DPH6: variants seen among roughly 807,000 people sequenced by gnomAD.
DPH6 encodes diphthine--ammonia ligase.
A neutral mutation model predicts 38.2 loss-of-function variants in DPH6; 33 were observed. The ratio of observed to expected loss-of-function variants is 0.86; its 90% CI spans 0.65 to 1.15. DPH6 has a LOEUF of 1.15. Among genes scored for constraint, DPH6 ranks in the 50% most tolerant of loss-of-function variants. DPH6 has a pLI of 0.00. For missense variants in DPH6, 325 were observed against 320.0 expected, an observed-to-expected ratio of 1.02 and a Z score of -0.12; for synonymous variants, 108 against 103.0, an observed-to-expected ratio of 1.05 and a Z score of -0.30.
chr15:35,324,445 A>G (rs1339943980), intron 3 of DPH6, among the ~76,000 whole-genome samples: 1 of 152,198 alleles, frequency 6.6e-6, no homozygotes, highest in Non-Finnish European at 1.5e-5. Context: ...AGTTACTTAG[A>G]TACAAAACCA....
intron 3 of DPH6, among the ~76,000 whole-genome samples, chr15:35,485,175 A>G (rs1388893397): frequency 6.6e-6 from 1 of 152,190 alleles, no homozygotes; most frequent in Non-Finnish European, 1.5e-5. Flanking sequence ...ATTGTCCAGG[A>G]TCACACAGCT....
At chr15:35,483,374 G>C (rs1183793828) in intron 3 of DPH6, among the ~76,000 whole-genome samples, 2 of 151,464 alleles carry the variant, frequency 1.3e-5, no homozygotes, top group Non-Finnish European at 2.9e-5. Context: ...TGAGGCAGGA[G>C]AATTGCTTAA....
intron 3 of DPH6, among the ~76,000 whole-genome samples, chr15:35,229,426 T>C (rs557961826): frequency 2.9e-4 from 44 of 152,136 alleles, no homozygotes; most frequent in Non-Finnish European, 3.8e-4. Flanking sequence ...ATTTAGCTGA[T>C]AGAATTCCAA....
the DPH6 span, among the ~76,000 whole-genome samples, chr15:35,165,073 ATG>A: frequency 6.6e-6 from 1 of 151,844 alleles, no homozygotes; most frequent in Non-Finnish European, 1.5e-5. Flanking sequence ...AAAAGATTGG[ATG>A]TTAAGAATTG....
At chr15:35,171,414 C>A in the DPH6 span, among the ~76,000 whole-genome samples, 1 of 152,116 alleles carries the variant, frequency 6.6e-6, no homozygotes, top group Non-Finnish European at 1.5e-5. Context: ...CATATACACA[C>A]TAAGTACATA....
chr15:35,398,426 A>G lies in DPH6; in HGVS notation c.567+12409T>C, dbSNP rs542215771. 1.3e-3 allele frequency among the ~76,000 whole-genome samples: 193 copies of G among 152,262 alleles called. 1 individual carries two copies. The highest frequency in any genetic ancestry group is 4.5e-3 in the African/African-American group (189 of 41,562). On this transcript the variant is annotated intron_variant, in intron 6 of 8. Transcript: ENST00000256538. ...CTCACCAATGGCCAATGACATAATC[A>G]ATCACACCTACATAATGAAGCCTCC...
At chr15:35,304,690 T>G (rs1181597543) in intron 3 of DPH6, among the ~76,000 whole-genome samples, 1 of 152,044 alleles carries the variant, frequency 6.6e-6, no homozygotes, top group Non-Finnish European at 1.5e-5. Context: ...AGAGTGCCTA[T>G]TTTTATTTTT....
chr15:35,296,815 T>TTTTTTTTTTTTTTTTA (rs1246443912), intron 3 of DPH6, among the ~76,000 whole-genome samples: 4 of 138,166 alleles, frequency 2.9e-5, no homozygotes, highest in African/African-American at 6.3e-5. Context: ...TTTTTTTTTT[T>TTTTTTTTTTTTTTTTA]GAGACGGAGT....
At chr15:35,167,520 A>G in the DPH6 span, among the ~76,000 whole-genome samples, 2 of 151,750 alleles carry the variant, frequency 1.3e-5, no homozygotes, top group East Asian at 1.9e-4. Flanking sequence ...CAGAAGCTAC[A>G]TTGCAAATTA....
intron 3 of DPH6, among the ~76,000 whole-genome samples, chr15:35,321,202 T>C (rs866280989): frequency 6.6e-6 from 1 of 152,262 alleles, no homozygotes; most frequent in South Asian, 2.1e-4. Flanking sequence ...AGAGCTATCA[T>C]CACCCTTGCT....
intron 3 of DPH6, among the ~76,000 whole-genome samples, chr15:35,460,884 A>G (rs1014071782): frequency 1.1e-4 from 16 of 146,670 alleles, no homozygotes; most frequent in African/African-American, 3.7e-4. Context: ...CCTAAAGCAA[A>G]GAGATACTCA....
chr15:35,222,060 TTC>T (rs1231540082), intron 3 of DPH6, among the ~76,000 whole-genome samples: 2 of 152,198 alleles, frequency 1.3e-5, no homozygotes, highest in Non-Finnish European at 2.9e-5. Flanking sequence ...TGTTTCTCAT[TTC>T]TGAGAGTTCA....
At chr15:35,379,476 T>G (rs1478695218) in intron 7 of DPH6, among the ~76,000 whole-genome samples, 1 of 152,212 alleles carries the variant, frequency 6.6e-6, no homozygotes, top group Non-Finnish European at 1.5e-5. Flanking sequence ...AATACTCAAT[T>G]GTTAAAAAAC....
At chr15:35,324,374 ACT>A (rs1426609482) in intron 3 of DPH6, among the ~76,000 whole-genome samples, 1 of 152,134 alleles carries the variant, frequency 6.6e-6, no homozygotes, top group African/African-American at 2.4e-5. Flanking sequence ...GGAAAGATAA[ACT>A]CTATTTTTCT....
chr15:35,447,887 A>G (rs1163534590), intron 5 of DPH6, among the ~76,000 whole-genome samples: 1 of 152,162 alleles, frequency 6.6e-6, no homozygotes, highest in South Asian at 2.1e-4. Flanking sequence ...TCGCAATCCT[A>G]GAAAGCTTAT....
the DPH6 span, among the ~76,000 whole-genome samples, chr15:35,163,567 T>A: frequency 6.6e-6 from 1 of 151,946 alleles, no homozygotes. Context: ...ATCGAAAAGT[T>A]ATGCTAAGTG....
intron 3 of DPH6, chr15:35,489,952 C>A: frequency 1.0e-6 from 1 of 981,462 alleles, no homozygotes; most frequent in Non-Finnish European, 1.2e-6. Context: ...CTATTTTTAA[C>A]AAACAGCTAA....
At chr15:35,235,618 C>T (rs6495761) in intron 3 of DPH6, among the ~76,000 whole-genome samples, 2,450 of 152,268 alleles carry the variant, frequency 0.016, 57 homozygotes, top group African/African-American at 0.056. Flanking sequence ...TCAGGCTCTT[C>T]CTACCAAAAA....
chr15:35,472,042 G>C (rs929222524), intron 3 of DPH6, among the ~76,000 whole-genome samples: 2 of 152,012 alleles, frequency 1.3e-5, no homozygotes, highest in Non-Finnish European at 2.9e-5. Context: ...TCGTGCCCGT[G>C]AATAGCCACT....
Sources: allele counts gnomAD v4.1 joint callset (sites outside exome capture counted in the v4.1 genomes callset), GRCh38; gene constraint gnomAD v4.1.1; transcripts MANE v1.5; gene names NCBI Gene and HGNC (gene_info 2026-07-23, HGNC 2026-07-21).